The following WWP1 variants were observed in gnomAD, a reference collection of about 807,000 sequenced individuals.
WWP1 encodes NEDD4-like E3 ubiquitin-protein ligase WWP1.
A neutral mutation model predicts 130.6 loss-of-function variants in WWP1; 49 were observed. The observed-to-expected ratio is 0.38, with a 90% CI of 0.30 to 0.48. The LOEUF (loss-of-function observed/expected upper bound fraction) is 0.48. Among genes scored for constraint, WWP1 ranks in the 20% least tolerant of loss-of-function variants. The pLI, the probability that WWP1 is intolerant of heterozygous loss-of-function variation, is 0.99. For missense variants in WWP1, 809 were observed against 1,100.6 expected (o/e 0.74, Z 3.75); for synonymous variants, 332 against 367.8 (o/e 0.90, Z 1.11).
chr8:86,449,845 A>G (rs901680650), intron 20 of WWP1, among the ~76,000 whole-genome samples: 3 of 152,116 alleles, frequency 2.0e-5, no homozygotes, highest in African/African-American at 7.2e-5. Flanking sequence ...TGTCTTAAGG[A>G]CAGTACAGTT....
At chr8:86,458,469 T>G (rs1336500293) in intron 22 of WWP1, among the ~76,000 whole-genome samples, 19 of 152,202 alleles carry the variant, frequency 1.2e-4, no homozygotes, top group Admixed American at 9.2e-4. Context: ...TTTATTTATG[T>G]ATTTTTTTAG....
At chr8:86,464,617 G>C (rs1017789563) in intron 24 of WWP1, among the ~76,000 whole-genome samples, 3 of 152,048 alleles carry the variant, frequency 2.0e-5, no homozygotes, top group Non-Finnish European at 4.4e-5. Context: ...CTGGGTTCAA[G>C]CAATCCTCCT....
intron 8 of WWP1, among the ~76,000 whole-genome samples, chr8:86,407,305 A>G (rs1808335764): frequency 6.6e-6 from 1 of 151,832 alleles, no homozygotes; most frequent in South Asian, 2.1e-4. Context: ...TTGTCAACAG[A>G]TGTTTATTTT....
chr8:86,372,366 GC>G (rs1265570437), intron 2 of WWP1, among the ~76,000 whole-genome samples: 2 of 152,088 alleles, frequency 1.3e-5, no homozygotes, highest in Non-Finnish European at 2.9e-5. Context: ...CGCCGTGTTG[GC>G]CAGGCGGGTC....
At chr8:86,391,757 G>GT (rs1484554493) in intron 5 of WWP1, among the ~76,000 whole-genome samples, 1 of 152,128 alleles carries the variant, frequency 6.6e-6, no homozygotes, top group African/African-American at 2.4e-5. Flanking sequence ...CTTGGTCAGT[G>GT]TAAATGCAAT....
Position 86,383,966 on chromosome 8 carries a change from C to T in WWP1, c.334+2337C>T, listed in dbSNP as rs541641194. On this transcript the variant is annotated intron_variant, in intron 5 of 24. Transcript: ENST00000517970. ...GTGCCTTAATGGAAATTGATTTTCT[C>T]ACATATCCAGAGGCTGGAAGTCGGT... Among the ~76,000 whole-genome samples, 7 of 152,236 alleles carry T rather than the reference C, an allele frequency of 4.6e-5. No homozygotes were observed. The South Asian group carries it at 1.5e-3, about 32-fold the overall frequency.
At chr8:86,460,342 G>C (rs1008771707) in intron 22 of WWP1, among the ~76,000 whole-genome samples, 1 of 152,160 alleles carries the variant, frequency 6.6e-6, no homozygotes, top group African/African-American at 2.4e-5. Context: ...AATAACAGTG[G>C]TTTAGGGCTC....
At chr8:86,418,990 C>T (rs573513197) in intron 9 of WWP1, among the ~76,000 whole-genome samples, 10 of 152,082 alleles carry the variant, frequency 6.6e-5, no homozygotes, top group Non-Finnish European at 1.5e-4. Context: ...TTAATTAATC[C>T]ACAATCCACA....
intron 17 of WWP1, among the ~76,000 whole-genome samples, chr8:86,439,524 C>T (rs1810483725): frequency 1.3e-5 from 2 of 151,898 alleles, no homozygotes; most frequent in African/African-American, 2.4e-5. Flanking sequence ...AATGGCTGTA[C>T]AATATTCTGT....
At chr8:86,353,517 G>A (rs1823067892) in intron 1 of WWP1, among the ~76,000 whole-genome samples, 1 of 151,650 alleles carries the variant, frequency 6.6e-6, no homozygotes, top group South Asian at 2.1e-4. Context: ...TTCTGAGACG[G>A]AGTCTCACTC....
chr8:86,424,399 G>A (rs1251601817), intron 9 of WWP1, among the ~76,000 whole-genome samples: 23 of 152,052 alleles, frequency 1.5e-4, no homozygotes, highest in African/African-American at 5.5e-4. Flanking sequence ...TTCCCAGACG[G>A]GGTGGCGGCC....
At chr8:86,408,752 C>A (rs1808415104) in intron 8 of WWP1, among the ~76,000 whole-genome samples, 1 of 151,852 alleles carries the variant, frequency 6.6e-6, no homozygotes, top group African/African-American at 2.4e-5. Flanking sequence ...CCTAAAAATG[C>A]AAAAAAATTT....
rs1016126693 is a variant in WWP1 at position 86,468,312 on chromosome 8, T to G, written c.*1419T>G. 134 of 429,984 alleles carry G rather than the reference T, an allele frequency of 3.1e-4. No individual in the cohort carries two copies. Among genetic ancestry groups the G allele is most frequent in the African/African-American group, 2.6e-3 (128 of 48,362 alleles). The allele number at this position is 429,984 out of a possible 1,614,324, so 26.6% of individuals were successfully genotyped here. A position where few individuals can be genotyped will look rare whatever the true frequency, so the allele number is the denominator to read the frequency against. ...ATTTTTCTACATATTGAGAGTGTGT[T>G]CTCCATTTTATTCAGAATTCATAGT... is the stretch of plus-strand genomic sequence containing the variant. On this transcript the variant is annotated 3_prime_UTR_variant, in exon 25 of 25. Coordinates refer to ENST00000517970, the MANE Select transcript of WWP1 (RefSeq NM_007013.4).
intron 1 of WWP1, among the ~76,000 whole-genome samples, chr8:86,343,795 C>A (rs7846468): frequency 0.2 from 30,324 of 151,866 alleles, 3,170 homozygotes; most frequent in South Asian, 0.21. Flanking sequence ...ATAAGTTTAA[C>A]AAATTTTTTT....
chr8:86,418,193 C>T (rs1039699922), intron 9 of WWP1, among the ~76,000 whole-genome samples: 6 of 152,128 alleles, frequency 3.9e-5, no homozygotes, highest in South Asian at 2.1e-4. Context: ...ATTTATTAAA[C>T]TCCTTGTCTG....
chr8:86,387,572 G>T (rs1825355553), intron 5 of WWP1, among the ~76,000 whole-genome samples: 1 of 152,004 alleles, frequency 6.6e-6, no homozygotes, highest in Non-Finnish European at 1.5e-5. Context: ...GAGTGCAGGG[G>T]TGCAGTCTCG....
chr8:86,348,632 C>A (rs920830565), intron 1 of WWP1, among the ~76,000 whole-genome samples: 1 of 152,148 alleles, frequency 6.6e-6, no homozygotes, highest in Non-Finnish European at 1.5e-5. Flanking sequence ...AGATATGAAG[C>A]CTTTCCTCTT....
chr8:86,404,411 A>G (rs1362881793), intron 8 of WWP1, among the ~76,000 whole-genome samples: 1 of 152,198 alleles, frequency 6.6e-6, no homozygotes, highest in African/African-American at 2.4e-5. Flanking sequence ...AGGAGACGAA[A>G]TTGAGGCTTT....
rs138458587 is a variant in WWP1 at position 86,352,373 on chromosome 8, T to C, written c.-115+9443T>C. ...CCGAGTAGCTGGGATTACAGGTGCA[T>C]GCCACCAGGCCCAGCCAATTTTTGT... On this transcript the variant is annotated intron_variant, in intron 1 of 24. Coordinates refer to ENST00000517970, the MANE Select transcript of WWP1 (RefSeq NM_007013.4). 3.4e-3 allele frequency among the ~76,000 whole-genome samples: 520 copies of C among 152,118 alleles called. 3 individuals carry two copies. The highest frequency in any genetic ancestry group is 0.022 in the South Asian group (108 of 4,822).
Sources: allele counts gnomAD v4.1 joint callset (sites outside exome capture counted in the v4.1 genomes callset), GRCh38; gene constraint gnomAD v4.1.1; transcripts MANE v1.5; gene names NCBI Gene and HGNC (gene_info 2026-07-23, HGNC 2026-07-21).